ANKS1B: variants seen among roughly 807,000 people sequenced by gnomAD.
The protein encoded by ANKS1B is ankyrin repeat and sterile alpha motif domain containing 1B, also known as ankyrin repeat and sterile alpha motif domain-containing protein 1B.
A neutral mutation model predicts 148.3 loss-of-function variants in ANKS1B; 36 were observed. The ratio of observed to expected loss-of-function variants is 0.24; its 90% CI spans 0.19 to 0.32. ANKS1B has a LOEUF of 0.32. Among genes scored for constraint, ANKS1B ranks in the 10% least tolerant of loss-of-function variants. ANKS1B has a pLI of 1.00. For synonymous variants in ANKS1B, 542 were observed against 560.8 expected (o/e 0.97, Z 0.47); for missense variants, 1,157 against 1,542.6 (o/e 0.75, Z 4.19).
chr12:99,726,025 A>G (rs935814792), intron 8 of ANKS1B, among the ~76,000 whole-genome samples: 1 of 152,160 alleles, frequency 6.6e-6, no homozygotes, highest in African/African-American at 2.4e-5. Flanking sequence ...AAATCCCCAT[A>G]TCAGAAAGCT....
At chr12:98,874,957 A>T (rs920316898) in intron 17 of ANKS1B, among the ~76,000 whole-genome samples, 5 of 152,234 alleles carry the variant, frequency 3.3e-5, no homozygotes, top group African/African-American at 1.2e-4. Context: ...TCCTCTTTGA[A>T]TTGTATCATT....
At chr12:98,881,165 C>T (rs963017190) in intron 17 of ANKS1B, among the ~76,000 whole-genome samples, 1 of 152,140 alleles carries the variant, frequency 6.6e-6, no homozygotes, top group Admixed American at 6.5e-5. Context: ...TTAAATGCCA[C>T]ATTGATAACT....
chr12:99,823,683 G>A (rs1169761166), intron 2 of ANKS1B, among the ~76,000 whole-genome samples: 1 of 152,112 alleles, frequency 6.6e-6, no homozygotes, highest in African/African-American at 2.4e-5. Flanking sequence ...CCAGAATGGT[G>A]TTTCCAAGGT....
At chr12:99,126,480 T>C (rs540121716) in intron 15 of ANKS1B, among the ~76,000 whole-genome samples, 5 of 152,064 alleles carry the variant, frequency 3.3e-5, no homozygotes, top group African/African-American at 1.2e-4. Context: ...TTCTTTCATA[T>C]AGAAATAATA....
chr12:99,106,922 T>G (rs1234171326), intron 15 of ANKS1B, among the ~76,000 whole-genome samples: 1 of 152,132 alleles, frequency 6.6e-6, no homozygotes, highest in East Asian at 1.9e-4. Context: ...GCTTGATAGG[T>G]TAAGTGTCTT....
chr12:99,163,469 G>C (rs1160160789), intron 14 of ANKS1B, among the ~76,000 whole-genome samples: 1 of 133,812 alleles, frequency 7.5e-6, no homozygotes, highest in Non-Finnish European at 1.6e-5. Flanking sequence ...CATGCACTCT[G>C]TGTGTGTGTG....
intron 12 of ANKS1B, among the ~76,000 whole-genome samples, chr12:99,339,581 G>C (rs759402680): frequency 6.6e-6 from 1 of 151,986 alleles, no homozygotes. Flanking sequence ...ATCGCTGGAG[G>C]GTTCTATTCA....
intron 17 of ANKS1B, among the ~76,000 whole-genome samples, chr12:98,940,022 G>A (rs2099834112): frequency 6.6e-6 from 1 of 152,178 alleles, no homozygotes; most frequent in Admixed American, 6.5e-5. Context: ...CACAGGGAGG[G>A]AGTTTTGACA....
chr12:98,772,476 C>T (rs1332893238), intron 25 of ANKS1B, among the ~76,000 whole-genome samples: 2 of 152,200 alleles, frequency 1.3e-5, no homozygotes, highest in African/African-American at 2.4e-5. Context: ...CACAGTTCCA[C>T]ATGGCTGGGG....
At chr12:99,703,083 A>G (rs764611024) in intron 8 of ANKS1B, among the ~76,000 whole-genome samples, 4 of 152,124 alleles carry the variant, frequency 2.6e-5, no homozygotes, top group Non-Finnish European at 5.9e-5. Context: ...AAACATAACC[A>G]TCAAACATCT....
chr12:98,895,095 G>T (rs1020254982), intron 17 of ANKS1B: 48 of 980,984 alleles, frequency 4.9e-5, no homozygotes, highest in South Asian at 1.9e-4. Context: ...CGGCGAGGCG[G>T]GGGGGAGGTG....
chr12:99,288,688 A>G (rs1054509753), intron 12 of ANKS1B, among the ~76,000 whole-genome samples: 37 of 152,136 alleles, frequency 2.4e-4, no homozygotes, highest in African/African-American at 8.2e-4. Flanking sequence ...TTAAGTTGTC[A>G]TCAGTTTAAT....
At chr12:99,380,297 T>C (rs1023426520) in intron 12 of ANKS1B, among the ~76,000 whole-genome samples, 7 of 152,250 alleles carry the variant, frequency 4.6e-5, no homozygotes, top group Non-Finnish European at 1.0e-4. Context: ...AGTAAGCACA[T>C]AGAAATTACA....
chr12:99,178,213 T>C (rs1165750909), intron 14 of ANKS1B, among the ~76,000 whole-genome samples: 1 of 152,242 alleles, frequency 6.6e-6, no homozygotes, highest in Non-Finnish European at 1.5e-5. Flanking sequence ...TGGCTTTCTG[T>C]GGCATAGACA....
chr12:99,760,666 G>A (rs1052997729), intron 8 of ANKS1B, among the ~76,000 whole-genome samples: 1 of 150,764 alleles, frequency 6.6e-6, no homozygotes, highest in Admixed American at 6.6e-5. Flanking sequence ...CAAATCAGAA[G>A]AAAAGAAATA....
intron 17 of ANKS1B, chr12:98,894,591 G>A: frequency 1.0e-6 from 1 of 985,370 alleles, no homozygotes. Flanking sequence ...TCGGCGAGCG[G>A]GGGCCGCGGA....
chr12:99,371,104 A>C (rs1673550000), intron 12 of ANKS1B, among the ~76,000 whole-genome samples: 1 of 151,910 alleles, frequency 6.6e-6, no homozygotes, highest in African/African-American at 2.4e-5. Context: ...AAGGTAGATG[A>C]AGTTGTCCTT....
At chr12:99,107,713 G>T (rs1438458282) in intron 15 of ANKS1B, among the ~76,000 whole-genome samples, 1 of 152,130 alleles carries the variant, frequency 6.6e-6, no homozygotes, top group Non-Finnish European at 1.5e-5. Flanking sequence ...TGTAACACAG[G>T]CTCACTTGTA....
intron 15 of ANKS1B, among the ~76,000 whole-genome samples, chr12:99,123,487 T>C (rs1207026316): frequency 6.6e-6 from 1 of 151,986 alleles, no homozygotes; most frequent in African/African-American, 2.4e-5. Flanking sequence ...AAGGGGAGTT[T>C]ATTAAGGAGT....
Sources: allele counts gnomAD v4.1 joint callset (sites outside exome capture counted in the v4.1 genomes callset), GRCh38; gene constraint gnomAD v4.1.1; transcripts MANE v1.5; gene names NCBI Gene and HGNC (gene_info 2026-07-23, HGNC 2026-07-21).